Variants in PIBF1 observed in about 807,000 individuals in gnomAD.
PIBF1 encodes the protein progesterone-induced-blocking factor 1.
A neutral mutation model predicts 112.5 loss-of-function variants in PIBF1; 90 were observed. The observed-to-expected ratio is 0.80, with a 90% CI of 0.67 to 0.95. The LOEUF (loss-of-function observed/expected upper bound fraction) is 0.95, where lower values mean the gene tolerates loss of function less well. PIBF1 is among the 40% of genes least tolerant of loss of function. PIBF1 has a pLI of 0.00. For missense variants in PIBF1, 915 were observed against 852.3 expected, an observed-to-expected ratio of 1.07 and a Z score of -0.92; for synonymous variants, 301 against 288.6, an observed-to-expected ratio of 1.04 and a Z score of -0.44.
intron 2 of PIBF1, among the ~76,000 whole-genome samples, chr13:72,791,265 A>G (rs557229504): frequency 6.6e-6 from 1 of 152,202 alleles, no homozygotes; most frequent in Admixed American, 6.5e-5. Flanking sequence ...TATGTTAGCC[A>G]GTATGGTCTC....
In PIBF1 at chr13:72,854,305, CATTTCATTTCA is replaced by C. The variant is rs565942857; in HGVS notation, c.1322+164_1322+174del. 1.4e-3 allele frequency: 825 copies of C among 597,442 alleles called. 1 individual carries two copies. The highest frequency in any genetic ancestry group is 2.5e-3 in the South Asian group (118 of 47,518). The allele number at this position is 597,442 out of a possible 1,614,324, so 37.0% of individuals were successfully genotyped here. A position where few individuals can be genotyped will look rare whatever the true frequency, so the allele number is the denominator to read the frequency against. On this transcript the variant is annotated intron_variant, in intron 10 of 17. Coordinates refer to ENST00000326291, the MANE Select transcript of PIBF1 (RefSeq NM_006346.4). ...TTTCAATAATTTTCATTTCAATTTT[CATTTCATTTCA>C]ATTTCATTTCAATAATTTTCATTGC...
chr13:72,969,883 C>T (rs1381871530), intron 15 of PIBF1: 1 of 152,120 alleles, frequency 6.6e-6, no homozygotes, highest in African/African-American at 2.4e-5. Context: ...CTCCCCTTGT[C>T]TTTTATTTGA....
chr13:72,999,939 C>T (rs2043802233), intron 17 of PIBF1, among the ~76,000 whole-genome samples: 2 of 152,132 alleles, frequency 1.3e-5, no homozygotes, highest in Admixed American at 6.6e-5. Flanking sequence ...TGTGGTGGCA[C>T]ACGCCTGTAG....
intron 10 of PIBF1, among the ~76,000 whole-genome samples, chr13:72,876,312 T>A (rs2039400243): frequency 6.6e-6 from 1 of 152,042 alleles, no homozygotes; most frequent in Non-Finnish European, 1.5e-5. Context: ...CTTTTGCCAA[T>A]ACCACACTGT....
intron 17 of PIBF1, among the ~76,000 whole-genome samples, chr13:73,007,364 T>G (rs1355514446): frequency 6.6e-6 from 1 of 151,514 alleles, no homozygotes; most frequent in Admixed American, 6.6e-5. Flanking sequence ...TGGCGCAATC[T>G]TGGCTGACTG....
At chr13:72,914,559 G>T (rs887349920) in intron 12 of PIBF1, among the ~76,000 whole-genome samples, 3 of 151,796 alleles carry the variant, frequency 2.0e-5, no homozygotes, top group South Asian at 2.1e-4. Context: ...TTCCCTTTCC[G>T]CAACTTCAGT....
intron 14 of PIBF1, among the ~76,000 whole-genome samples, chr13:72,953,059 G>C (rs2151318): frequency 0.74 from 112,973 of 151,864 alleles, 42,400 homozygotes; most frequent in African/African-American, 0.82. Context: ...TGGGGAAGGT[G>C]TATGAAATGC....
intron 10 of PIBF1, among the ~76,000 whole-genome samples, chr13:72,888,947 C>T (rs892877012): frequency 6.6e-6 from 1 of 151,968 alleles, no homozygotes; most frequent in African/African-American, 2.4e-5. Context: ...CACCTGTAAT[C>T]CCAGCACTTT....
intron 5 of PIBF1, among the ~76,000 whole-genome samples, chr13:72,817,412 A>T (rs910623717): frequency 6.6e-6 from 1 of 152,158 alleles, no homozygotes; most frequent in Non-Finnish European, 1.5e-5. Context: ...TGGAAATTTT[A>T]TGTGTCCATT....
rs71102894 is a variant in PIBF1 at position 72,973,338 on chromosome 13, AGAAAG to A, written c.1965-248_1965-244del. On this transcript the variant is annotated intron_variant, in intron 15 of 17. Transcript: ENST00000326291. ...GGAGAGGGAAGAAAGAAAAGAAAAA[AGAAAG>A]GAAAAGAAAAGAGGAGAGGGAAGAA... Among the ~76,000 whole-genome samples the A allele has an allele frequency of 6.6e-4, 100 of 151,812 alleles. No homozygotes were observed. In the Middle Eastern group the frequency reaches 0.017, roughly 26 times the overall value.
intron 16 of PIBF1, among the ~76,000 whole-genome samples, chr13:72,995,374 C>T (rs987314254): frequency 6.6e-6 from 1 of 151,534 alleles, no homozygotes; most frequent in Non-Finnish European, 1.5e-5. Flanking sequence ...TCCAAGAATA[C>T]AGCCAGAAAA....
At chr13:72,855,689 A>G (rs1047292991) in intron 10 of PIBF1, among the ~76,000 whole-genome samples, 34 of 152,086 alleles carry the variant, frequency 2.2e-4, no homozygotes, top group African/African-American at 7.7e-4. Flanking sequence ...AATAAAGATC[A>G]TGGTGTAAAA....
chr13:72,785,228 A>G (rs1309732422), intron 2 of PIBF1, among the ~76,000 whole-genome samples: 4 of 152,252 alleles, frequency 2.6e-5, no homozygotes, highest in Non-Finnish European at 5.9e-5. Flanking sequence ...TTCAACTAAC[A>G]TAGCATCCTT....
intron 11 of PIBF1, among the ~76,000 whole-genome samples, chr13:72,896,972 A>C (rs1475766986): frequency 6.6e-6 from 1 of 152,234 alleles, no homozygotes; most frequent in Non-Finnish European, 1.5e-5. Context: ...CATTGCAAAA[A>C]GATTTTCGCC....
chr13:72,935,068 C>G lies in PIBF1; in HGVS notation c.1833+3801C>G, dbSNP rs142982108. Among the ~76,000 whole-genome samples the G allele has an allele frequency of 5.3e-3, 813 of 152,278 alleles. 15 individuals are homozygous for G. The highest frequency in any genetic ancestry group is 0.018 in the African/African-American group (762 of 41,546). Reference sequence around the variant, plus strand: ...TTGTGCAATCTTGGCTCACCACAACCTCTGCCTCCTGGGTTCAAGCAATTC... The same window carrying G: ...TTGTGCAATCTTGGCTCACCACAACGTCTGCCTCCTGGGTTCAAGCAATTC... On this transcript the variant is annotated intron_variant, in intron 14 of 17. Coordinates refer to ENST00000326291, the MANE Select transcript of PIBF1 (RefSeq NM_006346.4).
chr13:72,987,858 A>ATTTTTT (rs55999445), intron 16 of PIBF1, among the ~76,000 whole-genome samples: 7 of 58,110 alleles, frequency 1.2e-4, no homozygotes, highest in African/African-American at 3.7e-4. Context: ...TTATTTATTT[A>ATTTTTT]TTTTTTTTTT....
chr13:72,828,351 C>T (rs1265706397), intron 8 of PIBF1, among the ~76,000 whole-genome samples: 1 of 150,454 alleles, frequency 6.6e-6, no homozygotes, highest in East Asian at 2.0e-4. Context: ...TAGGTATACA[C>T]ATGCCATGGT....
chr13:72,782,742 TCTG>T (rs772597236), intron 1 of PIBF1, among the ~76,000 whole-genome samples: 7 of 152,214 alleles, frequency 4.6e-5, no homozygotes, highest in South Asian at 2.1e-4. Context: ...TTGTTTTCAT[TCTG>T]CTATCTATAA....
At position 72,993,303 on chromosome 13, in the gene PIBF1, C is replaced by T. The variant is rs538493844; in HGVS notation, c.2050-5519C>T. On this transcript the variant is annotated intron_variant, in intron 16 of 17. Transcript: ENST00000326291. ...TTGTGCCACTGCACTCCAGCCTGGGCGACAGAGCAAGACCTGTCTCCAGAA... is the reference window on the plus strand; with the variant it reads ...TTGTGCCACTGCACTCCAGCCTGGGTGACAGAGCAAGACCTGTCTCCAGAA... 4.6e-5 allele frequency among the ~76,000 whole-genome samples: 7 copies of T among 151,648 alleles called. No homozygotes were observed. The South Asian group carries it at 1.0e-3, about 23-fold the overall frequency.
Sources: allele counts gnomAD v4.1 joint callset (sites outside exome capture counted in the v4.1 genomes callset), GRCh38; gene constraint gnomAD v4.1.1; transcripts MANE v1.5; gene names NCBI Gene and HGNC (gene_info 2026-07-23, HGNC 2026-07-21).